ELMO1: variants seen among roughly 807,000 people sequenced by gnomAD.
The protein encoded by ELMO1 is engulfment and cell motility 1, also known as engulfment and cell motility protein 1.
A neutral mutation model predicts 98.9 loss-of-function variants in ELMO1; 26 were observed. That is an observed-to-expected ratio of 0.26 (90% CI 0.19 to 0.36). The LOEUF (loss-of-function observed/expected upper bound fraction) is 0.36. Ranked by LOEUF, ELMO1 falls within the 10% of genes least tolerant of loss-of-function variation. The probability of loss-of-function intolerance (pLI) is 1.00; values close to 1 mark genes in which losing one functional copy is unlikely to be tolerated. For synonymous variants in ELMO1, 346 were observed against 346.0 expected (o/e 1.00, Z 0.00); for missense variants, 627 against 935.2 (o/e 0.67, Z 4.30).
intron 2 of ELMO1, among the ~76,000 whole-genome samples, chr7:37,333,764 C>T (rs1800252989): frequency 1.3e-5 from 2 of 152,174 alleles, no homozygotes; most frequent in African/African-American, 2.4e-5. Context: ...ATGTCTATTC[C>T]TCTACCAATG....
chr7:36,995,792 C>T (rs1792169431), intron 16 of ELMO1, among the ~76,000 whole-genome samples: 1 of 152,118 alleles, frequency 6.6e-6, no homozygotes, highest in Non-Finnish European at 1.5e-5. Flanking sequence ...TCTTTGTTTT[C>T]CCCCCTTGAA....
intron 13 of ELMO1, among the ~76,000 whole-genome samples, chr7:37,209,303 C>T (rs1038915169): frequency 2.0e-5 from 3 of 152,164 alleles, no homozygotes; most frequent in African/African-American, 7.2e-5. Flanking sequence ...TGGTTGGCCC[C>T]CAACCTCTCT....
intron 1 of ELMO1, among the ~76,000 whole-genome samples, chr7:37,441,027 T>A (rs1413871934): frequency 6.6e-6 from 1 of 151,954 alleles, no homozygotes; most frequent in African/African-American, 2.4e-5. Context: ...TGAAATGGAT[T>A]ACTCTTCAAA....
intron 2 of ELMO1, among the ~76,000 whole-genome samples, chr7:37,324,915 AGTCCCTG>A (rs1799716694): frequency 6.6e-6 from 1 of 152,218 alleles, no homozygotes; most frequent in African/African-American, 2.4e-5. Context: ...CGGCTTCTGC[AGTCCCTG>A]GCTTTGGAAC....
chr7:37,273,455 A>G (rs1012821102), intron 4 of ELMO1, among the ~76,000 whole-genome samples: 1 of 152,116 alleles, frequency 6.6e-6, no homozygotes, highest in African/African-American at 2.4e-5. Flanking sequence ...CCTTTCTGCC[A>G]TGATTGTTAA....
intron 6 of ELMO1, among the ~76,000 whole-genome samples, chr7:37,253,767 G>A (rs898197029): frequency 2.0e-5 from 3 of 151,030 alleles, no homozygotes; most frequent in African/African-American, 7.3e-5. Context: ...AATGAGGGGC[G>A]GGCAAGTCAT....
chr7:37,030,892 C>G (rs1023669067), intron 15 of ELMO1, among the ~76,000 whole-genome samples: 1 of 152,142 alleles, frequency 6.6e-6, no homozygotes, highest in Admixed American at 6.5e-5. Flanking sequence ...CTCCAGACAA[C>G]TCCTTATTGG....
At chr7:37,245,139 C>T (rs535916002) in intron 6 of ELMO1, among the ~76,000 whole-genome samples, 1 of 152,142 alleles carries the variant, frequency 6.6e-6, no homozygotes, top group African/African-American at 2.4e-5. Context: ...AGTCCTACCC[C>T]CAAACTCATC....
chr7:37,382,497 T>G (rs1415151708), intron 1 of ELMO1, among the ~76,000 whole-genome samples: 1 of 152,190 alleles, frequency 6.6e-6, no homozygotes, highest in Non-Finnish European at 1.5e-5. Flanking sequence ...GGACATGCTC[T>G]TGGCCCTCTC....
intron 15 of ELMO1, among the ~76,000 whole-genome samples, chr7:37,048,814 C>A (rs1004416353): frequency 2.0e-5 from 3 of 152,116 alleles, no homozygotes; most frequent in Non-Finnish European, 2.9e-5. Context: ...GGCCTAGGTA[C>A]CTGCAGTAAC....
rs1335302433 is a variant in ELMO1, at chr7:37,448,660, G to C, written c.-74+15C>G. The C allele has an allele frequency of 6.6e-6, 1 of 152,360 alleles. No homozygotes were observed. Among genetic ancestry groups the C allele is most frequent in the East Asian group, 1.9e-4 (1 of 5,186 alleles). 9.4% of individuals were successfully genotyped at this position (152,360 alleles called of 1,614,324 possible). A position where few individuals can be genotyped will look rare whatever the true frequency, so the allele number is the denominator to read the frequency against. On this transcript the variant is annotated intron_variant, in intron 1 of 21. Coordinates refer to ENST00000310758, the MANE Select transcript of ELMO1 (RefSeq NM_014800.11). ...CGAGTCGGGGCGCGGCGCCAGCCCA[G>C]GAAACTTTACGAACCTGCTTGGGGT... is the stretch of plus-strand genomic sequence containing the variant.
At chr7:37,365,810 T>A (rs1246087522) in intron 1 of ELMO1, among the ~76,000 whole-genome samples, 1 of 152,362 alleles carries the variant, frequency 6.6e-6, no homozygotes, top group Non-Finnish European at 1.5e-5. Flanking sequence ...TAGTAAAGTA[T>A]TATCATAAGC....
intron 16 of ELMO1, among the ~76,000 whole-genome samples, chr7:36,930,977 G>A (rs1312409745): frequency 6.6e-6 from 1 of 152,148 alleles, no homozygotes; most frequent in Non-Finnish European, 1.5e-5. Flanking sequence ...CGGTCAGAAT[G>A]GATAAGAGTT....
chr7:37,340,803 T>C (rs1250036730), intron 2 of ELMO1, among the ~76,000 whole-genome samples: 1 of 152,158 alleles, frequency 6.6e-6, no homozygotes, highest in African/African-American at 2.4e-5. Context: ...AACACTACAC[T>C]AACCTCACAG....
chr7:37,264,543 T>G (rs1190299455), intron 5 of ELMO1, among the ~76,000 whole-genome samples: 1 of 152,210 alleles, frequency 6.6e-6, no homozygotes, highest in Admixed American at 6.5e-5. Flanking sequence ...AAAAATAAGA[T>G]AGCCTTGGTT....
chr7:37,067,684 A>G (rs1160885431), intron 15 of ELMO1, among the ~76,000 whole-genome samples: 1 of 152,166 alleles, frequency 6.6e-6, no homozygotes. Context: ...AAATTAACAA[A>G]CTAGAAATAG....
At chr7:37,305,311 T>G (rs1285393420) in intron 4 of ELMO1, among the ~76,000 whole-genome samples, 1 of 152,238 alleles carries the variant, frequency 6.6e-6, no homozygotes, top group African/African-American at 2.4e-5. Context: ...TGATAATACT[T>G]TGAAACTGTA....
intron 16 of ELMO1, among the ~76,000 whole-genome samples, chr7:36,974,548 G>A (rs895955347): frequency 2.0e-5 from 3 of 152,150 alleles, no homozygotes; most frequent in Non-Finnish European, 4.4e-5. Flanking sequence ...TGGTGGGGAG[G>A]TGGAGGACCT....
At chr7:37,371,358 C>A (rs1384096808) in intron 1 of ELMO1, among the ~76,000 whole-genome samples, 1 of 152,180 alleles carries the variant, frequency 6.6e-6, no homozygotes, top group African/African-American at 2.4e-5. Context: ...GTACATGGAT[C>A]TTCATCTTAT....
Sources: gnomAD v4.1 joint callset for allele counts (sites outside exome capture counted in the v4.1 genomes callset) on GRCh38, gnomAD v4.1.1 for gene constraint, MANE v1.5 for transcripts, NCBI Gene and HGNC (gene_info 2026-07-23, HGNC 2026-07-21) for gene names.